The following CERS5 variants were observed in gnomAD, a reference collection of about 807,000 sequenced individuals.
CERS5 encodes the protein LAG1 homolog, ceramide synthase 5.
In CERS5, 37 loss-of-function variants were observed where a neutral mutation model predicts 58.9. That is an observed-to-expected ratio of 0.63 (90% CI 0.48 to 0.83). The LOEUF (loss-of-function observed/expected upper bound fraction) is 0.83. CERS5 is among the 40% of genes least tolerant of loss of function. CERS5 has a pLI of 0.00. For synonymous variants in CERS5, 147 were observed against 177.8 expected (o/e 0.83, Z 1.38); for missense variants, 398 against 489.3 (o/e 0.81, Z 1.76).
chr12:50,164,977 T>C (rs1353689398), intron 1 of CERS5: 4 of 151,098 alleles, frequency 2.6e-5, no homozygotes, highest in African/African-American at 4.8e-5. Context: ...TTTTCCTTTG[T>C]AGTGATTACA....
At chr12:50,153,529 C>T (rs1227138327) in intron 1 of CERS5, among the ~76,000 whole-genome samples, 4 of 151,790 alleles carry the variant, frequency 2.6e-5, no homozygotes, top group Non-Finnish European at 4.4e-5. Flanking sequence ...GCGCCCACCT[C>T]GGCCTCCCAA....
intron 9 of CERS5, chr12:50,133,387 G>C (rs904365065): frequency 1.9e-6 from 2 of 1,052,892 alleles, no homozygotes; most frequent in Non-Finnish European, 2.3e-6. Flanking sequence ...CATAAGATGG[G>C]TATTTGAAAC....
chr12:50,142,048 C>T lies in CERS5; in HGVS notation c.492+5G>A. ...AACAGAGGACTAGAGAAAGTTAAGACTCACCGACCAGAGAAATCTAATTCC... is the reference window on the plus strand; with the variant it reads ...AACAGAGGACTAGAGAAAGTTAAGATTCACCGACCAGAGAAATCTAATTCC... On this transcript the variant is annotated splice_donor_5th_base_variant and intron_variant, in intron 4 of 9. Transcript: ENST00000317551. 1 of 1,569,256 alleles carries T rather than the reference C, an allele frequency of 6.4e-7. No homozygotes were observed. The highest frequency in any genetic ancestry group is 8.8e-7 in the Non-Finnish European group (1 of 1,140,326).
chr12:50,163,124 C>T (rs1939490240), intron 1 of CERS5, among the ~76,000 whole-genome samples: 1 of 152,132 alleles, frequency 6.6e-6, no homozygotes, highest in South Asian at 2.1e-4. Flanking sequence ...ATCTCAAAGT[C>T]CTGGTCTCAA....
At chr12:50,142,165 G>C in intron 3 of CERS5, 55 bp from the exon 4 acceptor site, 3 of 1,241,430 alleles carry the variant, frequency 2.4e-6, no homozygotes, top group Non-Finnish European at 3.5e-6. Flanking sequence ...CAAAGCCTCT[G>C]AGGCTACGGA....
intron 1 of CERS5, among the ~76,000 whole-genome samples, chr12:50,160,449 G>A (rs1168158252): frequency 1.3e-5 from 2 of 152,156 alleles, no homozygotes; most frequent in Non-Finnish European, 2.9e-5. Context: ...GAATGGCATT[G>A]AGAAGGCTCT....
intron 8 of CERS5, chr12:50,135,464 A>G (rs1278472389): frequency 1.5e-6 from 1 of 666,360 alleles, no homozygotes; most frequent in Non-Finnish European, 2.8e-6. Context: ...TTCCTCAGAG[A>G]TGAGTCAGTC....
intron 9 of CERS5, among the ~76,000 whole-genome samples, chr12:50,131,441 C>T (rs1004387417): frequency 1.3e-5 from 2 of 151,750 alleles, no homozygotes; most frequent in South Asian, 2.1e-4. Context: ...CACCTGTAAT[C>T]CCAGCTACTC....
At chr12:50,164,637 T>C (rs1263681458) in intron 1 of CERS5, among the ~76,000 whole-genome samples, 1 of 152,168 alleles carries the variant, frequency 6.6e-6, no homozygotes, top group Admixed American at 6.6e-5. Flanking sequence ...AGAATTATCA[T>C]ACTAGAATGC....
At chr12:50,151,673 G>A (rs1047853723) in intron 1 of CERS5, among the ~76,000 whole-genome samples, 1 of 152,216 alleles carries the variant, frequency 6.6e-6, no homozygotes, top group Non-Finnish European at 1.5e-5. Context: ...CCCACTTTGA[G>A]ATGGAGTCTC....
intron 1 of CERS5, among the ~76,000 whole-genome samples, chr12:50,152,484 G>A (rs1938075271): frequency 6.6e-6 from 1 of 152,220 alleles, no homozygotes; most frequent in Non-Finnish European, 1.5e-5. Context: ...GCTTATGCCT[G>A]TAATCCCAGC....
intron 6 of CERS5, among the ~76,000 whole-genome samples, chr12:50,136,849 T>C (rs1951721854): frequency 6.6e-6 from 1 of 152,230 alleles, no homozygotes; most frequent in African/African-American, 2.4e-5. Flanking sequence ...CAGACACATC[T>C]ATTAAATACT....
chr12:50,161,784 G>GAAAAAAAAAAAACAAAAAAAAAAAAAAAA (rs1939296924), intron 1 of CERS5, among the ~76,000 whole-genome samples: 1 of 90,862 alleles, frequency 1.1e-5, no homozygotes, highest in East Asian at 5.2e-4. Context: ...CTCAAAAAAA[G>GAAAAAAAAAAAACAAAAAAAAAAAAAAAA]AAAAAAAAAA....
chr12:50,132,934 T>C (rs1318215516), intron 9 of CERS5: 58 of 1,288,602 alleles, frequency 4.5e-5, no homozygotes, highest in Non-Finnish European at 5.9e-5. Flanking sequence ...CATGCCTCAC[T>C]GAATACTAGA....
At chr12:50,160,605 T>C (rs1939176072) in intron 1 of CERS5, among the ~76,000 whole-genome samples, 1 of 152,190 alleles carries the variant, frequency 6.6e-6, no homozygotes, top group African/African-American at 2.4e-5. Flanking sequence ...CCTATTATAG[T>C]ACCGTATTTA....
intron 1 of CERS5, among the ~76,000 whole-genome samples, chr12:50,147,129 C>T (rs952899369): frequency 1.3e-5 from 2 of 151,910 alleles, no homozygotes; most frequent in African/African-American, 2.4e-5. Context: ...CTAGGCCAGG[C>T]GCGGTGGCTC....
At chr12:50,155,736 C>CA (rs146913126) in intron 1 of CERS5, among the ~76,000 whole-genome samples, 515 of 21,444 alleles carry the variant, frequency 0.024, 156 homozygotes, top group African/African-American at 0.075. Context: ...GACTCCATCT[C>CA]AAAAAAAAAA....
At chr12:50,132,040 G>A (rs1951355459) in intron 9 of CERS5, among the ~76,000 whole-genome samples, 1 of 152,040 alleles carries the variant, frequency 6.6e-6, no homozygotes, top group South Asian at 2.1e-4. Flanking sequence ...AGGAGGTCGA[G>A]GCTGCAGTGA....
intron 6 of CERS5, 77 bp downstream of exon 6, chr12:50,137,651 A>G (rs535960520): frequency 1.6e-5 from 13 of 792,060 alleles, no homozygotes; most frequent in Non-Finnish European, 2.6e-5. Flanking sequence ...AAGATAATAC[A>G]TCGTAATGGC....
Sources: allele counts gnomAD v4.1 joint callset (sites outside exome capture counted in the v4.1 genomes callset), GRCh38; gene constraint gnomAD v4.1.1; transcripts MANE v1.5; gene names NCBI Gene and HGNC (gene_info 2026-07-23, HGNC 2026-07-21).